The following SARDH variants were observed in gnomAD, a reference collection of about 807,000 sequenced individuals.
The protein encoded by SARDH is sarcosine dehydrogenase, also known as sarcosine dehydrogenase, mitochondrial.
In SARDH, 95 loss-of-function variants were observed where a neutral mutation model predicts 109.1. That is an observed-to-expected ratio of 0.87 (90% confidence interval 0.74 to 1.03). The LOEUF (loss-of-function observed/expected upper bound fraction) is 1.03. Ranked by LOEUF, SARDH falls within the 50% of genes least tolerant of loss-of-function variation. SARDH has a pLI of 0.00. For synonymous variants in SARDH, 572 were observed against 534.8 expected (o/e 1.07, Z -0.96); for missense variants, 1,267 against 1,287.8 (o/e 0.98, Z 0.25).
At chr9:133,676,088 C>A (rs1359244890) in intron 17 of SARDH, among the ~76,000 whole-genome samples, 1 of 123,602 alleles carries the variant, frequency 8.1e-6, no homozygotes, top group African/African-American at 4.2e-5. Context: ...AAGACCCTGT[C>A]TGAAATTAAA....
chr9:133,693,528 G>A lies in SARDH; in HGVS notation c.1921+730C>T, dbSNP rs1330228260. On this transcript the variant is annotated intron_variant, in intron 15 of 20. Coordinates refer to ENST00000439388, the MANE Select transcript of SARDH (RefSeq NM_001134707.2). This position sits in a 1 kb window ranked among gnomAD's most constrained non-coding sequence, Gnocchi z 5.6. ...CTGCACGGTCAGCACCTTCCCCTGT[G>A]CAGGTCCCATCCCAGAGGTGGCAAT... Among the ~76,000 whole-genome samples the A allele has an allele frequency of 1.3e-5, 2 of 152,342 alleles. No individual in the cohort carries two copies. The highest frequency in any genetic ancestry group is 1.9e-4 in the East Asian group (1 of 5,186).
intron 17 of SARDH, 84 bp downstream of exon 17, chr9:133,685,109 G>A: frequency 8.5e-7 from 1 of 1,183,078 alleles, no homozygotes; most frequent in Non-Finnish European, 1.2e-6. Context: ...CTGCCCGAGA[G>A]CCCCCAGCCC....
In SARDH at chr9:133,712,535, C is replaced by T. The variant is rs1831959761; in HGVS notation, c.1328+84G>A. On this transcript the variant is annotated intron_variant, in intron 10 of 20. Coordinates refer to ENST00000439388, the MANE Select transcript of SARDH (RefSeq NM_001134707.2). The surrounding 1 kb of genome is among the most constrained non-coding windows in gnomAD (Gnocchi z 4.1). ...AGCCACCTGGATTTCAGGCAAGGCT[C>T]CTTTCTCAGTAGCCCTCGCTGTTTA... 8.0e-7 allele frequency: 1 copy of T among 1,252,046 alleles called. No homozygotes were observed. Among genetic ancestry groups the T allele is most frequent in the Admixed American group, 1.8e-5 (1 of 55,814 alleles). The allele number at this position is 1,252,046 out of a possible 1,614,324, so 77.6% of individuals were successfully genotyped here. A position where few individuals can be genotyped will look rare whatever the true frequency, so the allele number is the denominator to read the frequency against.
At chr9:133,696,450 A>G in intron 13 of SARDH, 89 bp from the exon 14 acceptor site, 1 of 1,517,106 alleles carries the variant, frequency 6.6e-7, no homozygotes, top group Non-Finnish European at 9.1e-7. Context: ...GCTGTGTCCA[A>G]CACACCTGTA....
chr9:133,737,157 C>A (rs10113974), intron 1 of SARDH, among the ~76,000 whole-genome samples: 3,134 of 152,340 alleles, frequency 0.021, 117 homozygotes, highest in African/African-American at 0.071. Flanking sequence ...GGGCACTGCC[C>A]AAGCCCTGAC....
intron 1 of SARDH, among the ~76,000 whole-genome samples, chr9:133,736,648 G>A (rs1236239246): frequency 2.0e-5 from 3 of 152,100 alleles, no homozygotes; most frequent in Admixed American, 6.5e-5. Context: ...CGCCTGCCTC[G>A]GCCTCCCAAA....
At chr9:133,685,048 C>T (rs1830834015) in intron 17 of SARDH, 145 bp downstream of exon 17, 1 of 644,396 alleles carries the variant, frequency 1.6e-6, no homozygotes, top group Admixed American at 2.9e-5. Flanking sequence ...CGCCTGGTCC[C>T]ACTGTCCCCC....
chr9:133,680,199 C>T (rs1252446574), intron 17 of SARDH, among the ~76,000 whole-genome samples: 4 of 152,240 alleles, frequency 2.6e-5, no homozygotes, highest in African/African-American at 9.6e-5. Flanking sequence ...AGACTCCGTG[C>T]TACAGGTGGG....
At position 133,667,070 on chromosome 9, in the gene SARDH, G is replaced by T. The variant is rs183423716; in HGVS notation, c.2496-200C>A. Reference sequence around the variant, plus strand: ...CTGGACAGCAGGGCTCGGGCTTCGAGTGAGTAAAAGGGATGAATAGAAAAC... The same window carrying T: ...CTGGACAGCAGGGCTCGGGCTTCGATTGAGTAAAAGGGATGAATAGAAAAC... On this transcript the variant is annotated intron_variant, in intron 19 of 20. Transcript: ENST00000439388. The T allele has an allele frequency of 5.3e-3, 3,333 of 632,308 alleles. 17 individuals carry two copies. The highest frequency in any genetic ancestry group is 0.021 in the Middle Eastern group (50 of 2,338). The allele number at this position is 632,308 out of a possible 1,614,324, so 39.2% of individuals were successfully genotyped here.
chr9:133,707,195 C>T (rs1241018827), intron 11 of SARDH, among the ~76,000 whole-genome samples: 1 of 152,188 alleles, frequency 6.6e-6, no homozygotes, highest in Non-Finnish European at 1.5e-5. Context: ...CCCTGGGGGG[C>T]AGGGGCGTGC....
At chr9:133,682,689 C>T (rs1196719009) in intron 17 of SARDH, among the ~76,000 whole-genome samples, 1 of 138,898 alleles carries the variant, frequency 7.2e-6, no homozygotes, top group Non-Finnish European at 1.5e-5. Context: ...GGTCTGCACT[C>T]AGCCCCTGTG....
chr9:133,675,161 T>C (rs745818544), intron 17 of SARDH, among the ~76,000 whole-genome samples: 3 of 151,948 alleles, frequency 2.0e-5, no homozygotes, highest in East Asian at 1.9e-4. Flanking sequence ...CTGGCCAACA[T>C]AGTGAAACCC....
chr9:133,679,979 C>T (rs1436746214), intron 17 of SARDH, among the ~76,000 whole-genome samples: 1 of 152,234 alleles, frequency 6.6e-6, no homozygotes, highest in Non-Finnish European at 1.5e-5. Context: ...ATCTGGTTGG[C>T]TGGAACCCAA....
chr9:133,707,084 T>A (rs909786470), intron 11 of SARDH, among the ~76,000 whole-genome samples: 6 of 152,176 alleles, frequency 3.9e-5, no homozygotes, highest in Admixed American at 6.5e-5. Context: ...GGCTCCCCTC[T>A]TTATAAAAGA....
At chr9:133,696,200 C>A (rs1274186021) in intron 14 of SARDH, 23 bp downstream of exon 14, 1 of 1,610,914 alleles carries the variant, frequency 6.2e-7, no homozygotes, top group Admixed American at 1.7e-5. Context: ...CAGGAACATG[C>A]CCCCCAACCT....
downstream of SARDH, among the ~76,000 whole-genome samples, chr9:133,659,518 C>CTCTT (rs1159001681): frequency 6.6e-6 from 1 of 152,206 alleles, no homozygotes; most frequent in African/African-American, 2.4e-5. Context: ...ACAAGTTCAG[C>CTCTT]TCTTTGATGG....
In SARDH at chr9:133,708,425, G is replaced by A. The variant is rs1348373685; in HGVS notation, c.1332C>T (p.Arg444=). ...EKDMHGYDIR[R]FHHSLTDHPR... is the part of the protein sequence containing the mutation. ...GGTGGTCCGTGAGCGAGTGATGGAA[G>A]CGCCTGCCGCAGACAGGGGGACGGG... Residue 444 remains arginine, a synonymous_variant, in exon 11 of 21, where the codon CGC becomes CGT. Transcript: ENST00000439388. The A allele has an allele frequency of 1.9e-6, 3 of 1,608,926 alleles. No individual in the cohort carries two copies. The highest frequency in any genetic ancestry group is 3.3e-5 in the Admixed American group (2 of 59,732).
rs866161815 is a variant in SARDH at position 133,686,952 on chromosome 9, C to T, written c.2070-1666G>A. Among the ~76,000 whole-genome samples, 28 of 152,310 alleles carry T rather than the reference C, an allele frequency of 1.8e-4. No individual in the cohort carries two copies. Among genetic ancestry groups the T allele is most frequent in the African/African-American group, 6.0e-4 (25 of 41,568 alleles). On this transcript the variant is annotated intron_variant, in intron 16 of 20. Coordinates refer to ENST00000439388, the MANE Select transcript of SARDH (RefSeq NM_001134707.2). The surrounding 1 kb of genome is among the most constrained non-coding windows in gnomAD (Gnocchi z 4.0). ...CAGCCGCACGGAAGGGACCCTGGGG[C>T]AGAAGCCTGGAGCTGCCACCTGGTC... is the stretch of plus-strand genomic sequence containing the variant.
In SARDH at chr9:133,693,767, A is replaced by G. The variant is rs963212388; in HGVS notation, c.1921+491T>C. ...GAGCTACCTGTCCCTGAGGGTATGCAAGCAGACATGGTGGGACTGCAGCAG... is the reference window on the plus strand; with the variant it reads ...GAGCTACCTGTCCCTGAGGGTATGCGAGCAGACATGGTGGGACTGCAGCAG... On this transcript the variant is annotated intron_variant, in intron 15 of 20. Transcript: ENST00000439388. This position sits in a 1 kb window ranked among gnomAD's most constrained non-coding sequence, Gnocchi z 5.6. 1.3e-5 allele frequency among the ~76,000 whole-genome samples: 2 copies of G among 152,152 alleles called. No homozygotes were observed. Among genetic ancestry groups the G allele is most frequent in the African/African-American group, 4.8e-5 (2 of 41,426 alleles).
Sources: gnomAD v4.1 joint callset for allele counts (sites outside exome capture counted in the v4.1 genomes callset) on GRCh38, gnomAD v4.1.1 for gene constraint, Gnocchi (gnomAD v3.1) non-coding constraint, MANE v1.5 for transcripts, NCBI Gene and HGNC (gene_info 2026-07-23, HGNC 2026-07-21) for gene names.